Variants in HDAC9 observed in about 807,000 individuals in gnomAD.
HDAC9 encodes histone deacetylase 9, also known as MEF-2 interacting transcription repressor (MITR) protein.
HDAC9 carries 41 observed loss-of-function variants against 139.4 expected under a neutral mutation model. The observed-to-expected ratio is 0.29, with a 90% CI of 0.23 to 0.38. HDAC9 has a LOEUF of 0.38. HDAC9 is among the 10% of genes least tolerant of loss of function. The pLI is 1.00. For synonymous variants in HDAC9, 517 were observed against 476.2 expected (o/e 1.09, Z -1.12); for missense variants, 1,147 against 1,297.0 (o/e 0.88, Z 1.78).
intron 2 of HDAC9, among the ~76,000 whole-genome samples, chr7:18,572,310 C>T (rs1824556298): frequency 1.4e-5 from 2 of 146,298 alleles, no homozygotes; most frequent in Non-Finnish European, 3.0e-5. Context: ...TTGTCATATT[C>T]ATAAATATGT....
chr7:18,307,609 G>T (rs1799014131), intron 1 of HDAC9, among the ~76,000 whole-genome samples: 1 of 152,040 alleles, frequency 6.6e-6, no homozygotes, highest in African/African-American at 2.4e-5. Flanking sequence ...TGTGGGCCAG[G>T]CTGACCAACA....
chr7:18,627,169 G>A (rs145801020), intron 6 of HDAC9, among the ~76,000 whole-genome samples: 5 of 152,318 alleles, frequency 3.3e-5, no homozygotes, highest in Middle Eastern at 3.4e-3. Flanking sequence ...TAACAGGAAA[G>A]TTGTCCCATG....
intron 25 of HDAC9, among the ~76,000 whole-genome samples, chr7:18,991,135 G>A (rs1018300830): frequency 6.6e-6 from 1 of 152,096 alleles, no homozygotes; most frequent in Non-Finnish European, 1.5e-5. Context: ...CTTGTAAAGA[G>A]CACTGAAATC....
chr7:18,485,874 T>C (rs1462686048), intron 1 of HDAC9, among the ~76,000 whole-genome samples: 1 of 152,194 alleles, frequency 6.6e-6, no homozygotes, highest in African/African-American at 2.4e-5. Context: ...CCAGGCCTCT[T>C]ATCCATACAA....
intron 6 of HDAC9, among the ~76,000 whole-genome samples, chr7:18,619,871 C>A (rs565848774): frequency 7.5e-4 from 114 of 152,294 alleles, no homozygotes; most frequent in African/African-American, 2.6e-3. Flanking sequence ...GCACTTCTCC[C>A]ACCTTTACCT....
At chr7:18,798,783 G>A (rs866852852) in intron 17 of HDAC9, among the ~76,000 whole-genome samples, 1 of 152,094 alleles carries the variant, frequency 6.6e-6, no homozygotes, top group East Asian at 1.9e-4. Context: ...CAAACAGTAG[G>A]TTAGCCAAAA....
At chr7:18,873,862 G>A (rs983960068) in intron 21 of HDAC9, among the ~76,000 whole-genome samples, 5 of 152,124 alleles carry the variant, frequency 3.3e-5, no homozygotes, top group Admixed American at 2.6e-4. Context: ...AGCAGGGGTT[G>A]CTGTCATGGA....
intron 14 of HDAC9, 74 bp downstream of exon 14, chr7:18,749,212 G>T (rs772590825): frequency 9.5e-6 from 14 of 1,472,400 alleles, no homozygotes; most frequent in Non-Finnish European, 1.2e-5. Flanking sequence ...CATTTGGGGA[G>T]TAATAGAAAA....
chr7:18,982,059 G>A (rs745965192), intron 25 of HDAC9, among the ~76,000 whole-genome samples: 6 of 151,428 alleles, frequency 4.0e-5, no homozygotes, highest in Non-Finnish European at 8.8e-5. Flanking sequence ...ACAGTAAATA[G>A]GACAAAAGGC....
chr7:18,653,271 G>A (rs1332585706), intron 11 of HDAC9, among the ~76,000 whole-genome samples: 1 of 149,708 alleles, frequency 6.7e-6, no homozygotes, highest in Non-Finnish European at 1.5e-5. Flanking sequence ...GTAATACAGT[G>A]TGTTAAGTAT....
At chr7:18,414,923 G>C (rs908298952) in intron 1 of HDAC9, among the ~76,000 whole-genome samples, 3 of 151,972 alleles carry the variant, frequency 2.0e-5, no homozygotes, top group African/African-American at 7.2e-5. Context: ...CTTTGTATTT[G>C]GTCCTCATTC....
At chr7:18,995,970 AAT>A in intron 25 of HDAC9, 51 bp from the exon 26 acceptor site, 1 of 1,382,322 alleles carries the variant, frequency 7.2e-7, no homozygotes, top group Non-Finnish European at 1.0e-6. Context: ...GAAAATCTAC[AAT>A]GTCATTGTGT....
At chr7:18,686,173 A>T (rs188248430) in intron 12 of HDAC9, among the ~76,000 whole-genome samples, 1 of 151,948 alleles carries the variant, frequency 6.6e-6, no homozygotes, top group Non-Finnish European at 1.5e-5. Flanking sequence ...CTCAGGTCTG[A>T]CTCATAAACT....
intron 2 of HDAC9, among the ~76,000 whole-genome samples, chr7:18,196,352 A>G (rs1166416429): frequency 6.6e-6 from 1 of 152,182 alleles, no homozygotes; most frequent in Non-Finnish European, 1.5e-5. Context: ...AATGATATAT[A>G]TGGTTTGGAG....
intron 16 of HDAC9, among the ~76,000 whole-genome samples, chr7:18,773,364 TACACACACACACACACACACAC>T (rs4043674): frequency 1.4e-5 from 2 of 142,840 alleles, no homozygotes; most frequent in East Asian, 2.0e-4. Flanking sequence ...AAAAACTGTA[TACACACACACACACACACACAC>T]ACACACACAC....
intron 22 of HDAC9, among the ~76,000 whole-genome samples, chr7:18,885,154 C>T: frequency 6.6e-6 from 1 of 152,310 alleles, no homozygotes. Context: ...GCAATGTGGT[C>T]GTAAGGGTGA....
intron 1 of HDAC9, among the ~76,000 whole-genome samples, chr7:18,427,242 A>G (rs1198282183): frequency 6.6e-6 from 1 of 152,180 alleles, no homozygotes; most frequent in Non-Finnish European, 1.5e-5. Context: ...AAGTCCTTAA[A>G]TAAGTATAGG....
At chr7:18,159,800 A>G (rs1468269298) in intron 1 of HDAC9, among the ~76,000 whole-genome samples, 2 of 152,238 alleles carry the variant, frequency 1.3e-5, no homozygotes, top group Non-Finnish European at 2.9e-5. Context: ...TCATTAAAAG[A>G]GTATTCAGAT....
At chr7:18,774,698 G>A (rs1790607074) in intron 16 of HDAC9, among the ~76,000 whole-genome samples, 1 of 152,094 alleles carries the variant, frequency 6.6e-6, no homozygotes, top group South Asian at 2.1e-4. Context: ...TCAAGGGAAT[G>A]TGGTTGGGTT....
Sources: gnomAD v4.1 joint callset for allele counts (sites outside exome capture counted in the v4.1 genomes callset) on GRCh38, gnomAD v4.1.1 for gene constraint, MANE v1.5 for transcripts, NCBI Gene and HGNC (gene_info 2026-07-23, HGNC 2026-07-21) for gene names.